The following LOC400499 variants were observed in gnomAD, a reference collection of about 807,000 sequenced individuals.
At chr16:11,384,850 C>A in the LOC400499 span, 1 of 1,232,042 alleles carries the variant, frequency 8.1e-7, no homozygotes. Context: ...AAAGAGTCCG[C>A]TGTAGGTGGG....
chr16:11,449,986 C>G, the LOC400499 span, among the ~76,000 whole-genome samples: 6 of 152,244 alleles, frequency 3.9e-5, no homozygotes, highest in Non-Finnish European at 5.9e-5. Flanking sequence ...TCTTGGCATC[C>G]TCTGTTACAC....
At chr16:11,404,325 G>C in the LOC400499 span, among the ~76,000 whole-genome samples, 1 of 152,152 alleles carries the variant, frequency 6.6e-6, no homozygotes, top group Non-Finnish European at 1.5e-5. Flanking sequence ...CTGGTGCCTA[G>C]ATTACACCTG....
chr16:11,402,581 T>TG, the LOC400499 span, among the ~76,000 whole-genome samples: 1 of 152,162 alleles, frequency 6.6e-6, no homozygotes, highest in Admixed American at 6.5e-5. Flanking sequence ...TGCTGGCCTG[T>TG]GGGCTGGTGC....
At chr16:11,471,357 T>C in the LOC400499 span, 1 of 267,312 alleles carries the variant, frequency 3.7e-6, no homozygotes, top group Non-Finnish European at 7.0e-6. Flanking sequence ...AGGGAAGAAA[T>C]GTGGTTGTCT....
At chr16:11,425,341 C>T in the LOC400499 span, 278 of 399,214 alleles carry the variant, frequency 7.0e-4, 1 homozygote, top group Non-Finnish European at 1.1e-3. Context: ...ACACAGGTCA[C>T]GCTGCGCACG....
chr16:11,486,706 T>G, the LOC400499 span, among the ~76,000 whole-genome samples: 37 of 88,770 alleles, frequency 4.2e-4, no homozygotes, highest in Middle Eastern at 7.8e-3. Context: ...GGGTGGGTGG[T>G]AGGATGAATA....
At chr16:11,510,863 C>A in the LOC400499 span, among the ~76,000 whole-genome samples, 2 of 151,484 alleles carry the variant, frequency 1.3e-5, no homozygotes, top group African/African-American at 4.9e-5. Flanking sequence ...GAGCCCAGCG[C>A]GGAACTTCAA....
chr16:11,463,323 T>C, the LOC400499 span, among the ~76,000 whole-genome samples: 1 of 151,656 alleles, frequency 6.6e-6, no homozygotes, highest in Non-Finnish European at 1.5e-5. Flanking sequence ...AGACTCACTA[T>C]TACCACACTG....
chr16:11,492,029 C>G, the LOC400499 span, among the ~76,000 whole-genome samples: 1 of 152,148 alleles, frequency 6.6e-6, no homozygotes, highest in Non-Finnish European at 1.5e-5. Flanking sequence ...CAGGGGTTCA[C>G]TGACCTTGCC....
chr16:11,469,109 G>A, the LOC400499 span: 1,005 of 399,122 alleles, frequency 2.5e-3, 5 homozygotes, highest in Admixed American at 3.0e-3. Context: ...GCTCTGGTAC[G>A]GGGGAAGGAA....
At chr16:11,422,498 G>A in the LOC400499 span, among the ~76,000 whole-genome samples, 2 of 152,174 alleles carry the variant, frequency 1.3e-5, no homozygotes, top group African/African-American at 4.8e-5. Context: ...AAAACAAACA[G>A]CAGCAACAGC....
chr16:11,420,609 G>A, the LOC400499 span, among the ~76,000 whole-genome samples: 1 of 16,180 alleles, frequency 6.2e-5, no homozygotes, highest in Middle Eastern at 0.038. Context: ...CCCCCCCCCC[G>A]GAAAAAAACC....
chr16:11,470,584 A>G, the LOC400499 span: 17 of 152,342 alleles, frequency 1.1e-4, no homozygotes, highest in Admixed American at 9.8e-4. Context: ...CGGAAATCCC[A>G]TGTCACCGTA....
the LOC400499 span, among the ~76,000 whole-genome samples, chr16:11,426,769 A>C: frequency 6.6e-6 from 1 of 151,454 alleles, no homozygotes; most frequent in East Asian, 2.0e-4. Context: ...CCTCTAAAAA[A>C]AAAATTATCT....
At chr16:11,451,569 AACAAAC>A in the LOC400499 span, among the ~76,000 whole-genome samples, 2 of 151,976 alleles carry the variant, frequency 1.3e-5, no homozygotes, top group Non-Finnish European at 2.9e-5. Context: ...CAAACAAACA[AACAAAC>A]AAACAAAAAA....
At chr16:11,485,714 C>T in the LOC400499 span, among the ~76,000 whole-genome samples, 1 of 152,224 alleles carries the variant, frequency 6.6e-6, no homozygotes, top group Non-Finnish European at 1.5e-5. Context: ...GGACCCCTCT[C>T]CTTCTATCTA....
At chr16:11,512,083 G>C in the LOC400499 span, among the ~76,000 whole-genome samples, 1 of 150,702 alleles carries the variant, frequency 6.6e-6, no homozygotes, top group Non-Finnish European at 1.5e-5. Context: ...GAAGTCAGGA[G>C]TTCCAGACCA....
the LOC400499 span, chr16:11,390,072 C>A: frequency 2.5e-6 from 3 of 1,214,750 alleles, no homozygotes; most frequent in African/African-American, 1.6e-5. Context: ...GTGGCAGGCA[C>A]GCAGGATGCG....
the LOC400499 span, chr16:11,398,293 C>G: frequency 3.3e-6 from 4 of 1,225,842 alleles, no homozygotes; most frequent in African/African-American, 6.2e-5. Flanking sequence ...CACTGCTGCC[C>G]CCTCACCATG....
Sources: gnomAD v4.1 joint callset for allele counts (sites outside exome capture counted in the v4.1 genomes callset) on GRCh38, gnomAD v4.1.1 for gene constraint, MANE v1.5 for transcripts.